The following CPNE8 variants were observed in gnomAD, a reference collection of about 807,000 sequenced individuals.
CPNE8 encodes copine 8, also known as copine-8.
In CPNE8, 45 loss-of-function variants were observed where a neutral mutation model predicts 81.5. The observed-to-expected ratio is 0.55, with a 90% confidence interval of 0.44 to 0.71. The LOEUF (loss-of-function observed/expected upper bound fraction) is 0.71, where lower values mean the gene tolerates loss of function less well. CPNE8 is among the 30% of genes least tolerant of loss of function. The probability of loss-of-function intolerance (pLI) is 0.00; values close to 1 mark genes in which losing one functional copy is unlikely to be tolerated. For synonymous variants in CPNE8, 252 were observed against 226.3 expected, an observed-to-expected ratio of 1.11 and a Z score of -1.02; for missense variants, 594 against 672.1, an observed-to-expected ratio of 0.88 and a Z score of 1.28.
At chr12:38,754,175 A>G (rs1280778009) in intron 10 of CPNE8, among the ~76,000 whole-genome samples, 2 of 152,208 alleles carry the variant, frequency 1.3e-5, no homozygotes, top group Non-Finnish European at 2.9e-5. Flanking sequence ...TGAACACAGA[A>G]GGGCTTTCCA....
chr12:38,673,657 G>A (rs1939228218), intron 18 of CPNE8, among the ~76,000 whole-genome samples: 2 of 152,094 alleles, frequency 1.3e-5, no homozygotes, highest in Admixed American at 1.3e-4. Context: ...AGGTGTTACA[G>A]GAGCCTAATT....
intron 3 of CPNE8, among the ~76,000 whole-genome samples, chr12:38,853,268 A>T (rs1943676461): frequency 6.6e-6 from 1 of 152,162 alleles, no homozygotes; most frequent in Non-Finnish European, 1.5e-5. Context: ...TATACCTATC[A>T]AAGGGGTGTA....
At position 38,760,435 on chromosome 12, in the gene CPNE8, G is replaced by GTGTATA. The variant is rs1555154496; in HGVS notation, c.722+411_722+412insTATACA. The stretch of plus-strand genomic sequence containing the variant: ...ATTCTCGAGTTTTGTTGTATGGTGT[G>GTGTATA]TATATATATATATATATGTGTGTGT... On this transcript the variant is annotated intron_variant, in intron 10 of 19. Transcript: ENST00000331366. Among the ~76,000 whole-genome samples the GTGTATA allele has an allele frequency of 8.6e-5, 11 of 127,276 alleles. 1 individual carries two copies. Among genetic ancestry groups the GTGTATA allele is most frequent in the South Asian group, 4.8e-4 (2 of 4,182 alleles). 83.5% of individuals were successfully genotyped at this position (127,276 alleles called of 152,430 possible).
At chr12:38,885,094 A>G (rs1483193662) in intron 1 of CPNE8, among the ~76,000 whole-genome samples, 6 of 152,182 alleles carry the variant, frequency 3.9e-5, no homozygotes, top group African/African-American at 1.4e-4. Flanking sequence ...TTTTGGCATA[A>G]AGGATACTTT....
intron 6 of CPNE8, among the ~76,000 whole-genome samples, chr12:38,784,996 A>C (rs1942145946): frequency 6.6e-6 from 1 of 152,154 alleles, no homozygotes; most frequent in Non-Finnish European, 1.5e-5. Context: ...GGTGTTTGAG[A>C]CCAGCCTGGC....
chr12:38,813,102 TAA>T (rs1268032758), intron 6 of CPNE8, among the ~76,000 whole-genome samples: 1 of 152,176 alleles, frequency 6.6e-6, no homozygotes, highest in Non-Finnish European at 1.5e-5. Context: ...AGTGCTATCA[TAA>T]AGAGTTGAGA....
chr12:38,844,994 C>A (rs1227298037), intron 4 of CPNE8, among the ~76,000 whole-genome samples: 1 of 151,958 alleles, frequency 6.6e-6, no homozygotes, highest in Non-Finnish European at 1.5e-5. Flanking sequence ...AAAATGAGGT[C>A]ATTTTTGTCA....
At chr12:38,759,919 C>T (rs1437660492) in intron 10 of CPNE8, among the ~76,000 whole-genome samples, 1 of 152,156 alleles carries the variant, frequency 6.6e-6, no homozygotes, top group Non-Finnish European at 1.5e-5. Context: ...CCTTCTTGAA[C>T]TTGTTCCTGT....
intron 5 of CPNE8, among the ~76,000 whole-genome samples, chr12:38,832,115 CA>C (rs1229279539): frequency 2.0e-5 from 3 of 152,020 alleles, no homozygotes; most frequent in Non-Finnish European, 4.4e-5. Context: ...TATCAAAGGC[CA>C]CACACACACT....
At chr12:38,890,975 A>G (rs1274695743) in intron 1 of CPNE8, among the ~76,000 whole-genome samples, 1 of 151,536 alleles carries the variant, frequency 6.6e-6, no homozygotes, top group East Asian at 1.9e-4. Flanking sequence ...CACCCAACCC[A>G]GAGTGCAGTG....
chr12:38,900,655 C>T (rs1944447663), intron 1 of CPNE8, among the ~76,000 whole-genome samples: 1 of 152,154 alleles, frequency 6.6e-6, no homozygotes, highest in Non-Finnish European at 1.5e-5. Flanking sequence ...GCCACAAAAG[C>T]ATGAGGAGTT....
chr12:38,799,715 C>A (rs11523606), intron 6 of CPNE8, among the ~76,000 whole-genome samples: 24 of 149,354 alleles, frequency 1.6e-4, no homozygotes, highest in Non-Finnish European at 3.0e-4. Flanking sequence ...ACGCAGAAGA[C>A]GGGTGATTTC....
intron 6 of CPNE8, among the ~76,000 whole-genome samples, chr12:38,780,942 C>T (rs974914765): frequency 4.0e-5 from 6 of 151,828 alleles, no homozygotes; most frequent in Admixed American, 1.3e-4. Flanking sequence ...ATACTAAATA[C>T]GAGTTAATCT....
At chr12:38,784,802 A>C (rs1262744608) in intron 6 of CPNE8, among the ~76,000 whole-genome samples, 1 of 152,176 alleles carries the variant, frequency 6.6e-6, no homozygotes, top group Admixed American at 6.5e-5. Context: ...AAACATGAAT[A>C]AGACATAAAG....
chr12:38,811,517 A>T (rs1942933829), intron 6 of CPNE8, among the ~76,000 whole-genome samples: 2 of 152,222 alleles, frequency 1.3e-5, no homozygotes, highest in Non-Finnish European at 2.9e-5. Flanking sequence ...AAATTAAGAA[A>T]CATAAAAAAA....
rs373287485 is a variant in CPNE8, at chr12:38,662,871, CAAGAACATACACTGGGGA to C, written c.1506+7840_1506+7857del. ...GCCAACTGATTTTTGACAAATGCAT[CAAGAACATACACTGGGGA>C]AAGAACACCCTTTTCATTAAATGGT... On this transcript the variant is annotated intron_variant, in intron 19 of 19. Transcript: ENST00000331366. Among the ~76,000 whole-genome samples, 1,006 of 152,144 alleles carry C rather than the reference CAAGAACATACACTGGGGA, an allele frequency of 6.6e-3. 6 individuals are homozygous for C. Among genetic ancestry groups the C allele is most frequent in the African/African-American group, 0.023 (955 of 41,528 alleles).
At position 38,675,739 on chromosome 12, in the gene CPNE8, A is replaced by G; in HGVS notation, c.1410T>C (p.Gly470=). Residue 470 remains glycine (G), a synonymous_variant, in exon 18 of 20, where the codon GGT becomes GGC. Coordinates refer to ENST00000331366, the MANE Select transcript of CPNE8 (RefSeq NM_153634.3). ...SKLPMSIIIV[G]VGPAEFDAMV... ...CACCATCAAATTCTGCTGGTCCAAC[A>G]CCTACTATAATTATTGACATTGGAA... The G allele has an allele frequency of 6.2e-7, 1 of 1,604,674 alleles. No homozygotes were observed. Among genetic ancestry groups the G allele is most frequent in the Non-Finnish European group, 8.5e-7 (1 of 1,171,818 alleles).
intron 15 of CPNE8, among the ~76,000 whole-genome samples, chr12:38,690,980 TC>T (rs1266500228): frequency 1.3e-5 from 2 of 152,082 alleles, no homozygotes; most frequent in Non-Finnish European, 2.9e-5. Context: ...AATTAAGCCC[TC>T]CAGCAACCTC....
At chr12:38,726,448 G>A (rs826870) in intron 11 of CPNE8, 85,785 of 151,822 alleles carry the variant, frequency 0.57, 24,674 homozygotes, top group East Asian at 0.81. Context: ...GATGTTGGGC[G>A]TCACTGGCAA....
Sources: allele counts gnomAD v4.1 joint callset (sites outside exome capture counted in the v4.1 genomes callset), GRCh38; gene constraint gnomAD v4.1.1; transcripts MANE v1.5; gene names NCBI Gene and HGNC (gene_info 2026-07-23, HGNC 2026-07-21).